The following CIMAP2 variants were observed in gnomAD, a reference collection of about 807,000 sequenced individuals.
The protein encoded by CIMAP2 is ciliary microtubule associated protein 2.
the CIMAP2 span, chr1:54,811,765 G>GCGGGGGGGGGGGGGGGCC: frequency 7.7e-7 from 1 of 1,301,326 alleles, no homozygotes; most frequent in Non-Finnish European, 1.1e-6. Context: ...GGTTCTGACA[G>GCGGGGGGGGGGGGGGGCC]CCTCCATGCC....
At chr1:54,814,613 G>A in the CIMAP2 span, among the ~76,000 whole-genome samples, 1 of 152,262 alleles carries the variant, frequency 6.6e-6, no homozygotes, top group South Asian at 2.1e-4. Flanking sequence ...CTGGCTCCAA[G>A]TCTGGTGTGG....
chr1:54,807,882 G>T, the CIMAP2 span: 1 of 1,568,378 alleles, frequency 6.4e-7, no homozygotes, highest in South Asian at 1.2e-5. Flanking sequence ...CTCTTCTCTT[G>T]GCACAGGAGC....
chr1:54,806,135 G>C, the CIMAP2 span: 1 of 1,543,806 alleles, frequency 6.5e-7, no homozygotes, highest in Non-Finnish European at 8.7e-7. Flanking sequence ...AAGCCAGGAT[G>C]CCGCCGGAGC....
At chr1:54,835,610 T>C in the CIMAP2 span, among the ~76,000 whole-genome samples, 2 of 152,148 alleles carry the variant, frequency 1.3e-5, no homozygotes, top group African/African-American at 4.8e-5. Flanking sequence ...TCCAAAGTCA[T>C]TGTTAGTAAA....
the CIMAP2 span, among the ~76,000 whole-genome samples, chr1:54,818,197 A>C: frequency 6.6e-6 from 1 of 151,970 alleles, no homozygotes. Context: ...GGTCTGTTTC[A>C]TCCTTTGTGC....
the CIMAP2 span, chr1:54,811,759 C>A: frequency 7.7e-7 from 1 of 1,301,202 alleles, no homozygotes; most frequent in South Asian, 1.2e-5. Flanking sequence ...AGGAGTGGTT[C>A]TGACAGCCTC....
At chr1:54,817,389 A>C in the CIMAP2 span, among the ~76,000 whole-genome samples, 5 of 152,214 alleles carry the variant, frequency 3.3e-5, no homozygotes, top group Non-Finnish European at 5.9e-5. Flanking sequence ...AGGAGACCCA[A>C]ATGAAATGAT....
At chr1:54,832,963 G>A in the CIMAP2 span, among the ~76,000 whole-genome samples, 1 of 152,010 alleles carries the variant, frequency 6.6e-6, no homozygotes, top group South Asian at 2.1e-4. Context: ...GGAGGTTGAG[G>A]CTGCGGTGAG....
the CIMAP2 span, among the ~76,000 whole-genome samples, chr1:54,817,307 G>A: frequency 6.6e-6 from 1 of 152,224 alleles, no homozygotes; most frequent in African/African-American, 2.4e-5. Flanking sequence ...CTTACTGTAA[G>A]TGTGAGGTGG....
chr1:54,826,608 G>A, the CIMAP2 span, among the ~76,000 whole-genome samples: 5 of 152,220 alleles, frequency 3.3e-5, no homozygotes, highest in Admixed American at 3.3e-4. Context: ...GCTGTCACAT[G>A]TACCCCCAGA....
the CIMAP2 span, chr1:54,841,625 G>C: frequency 6.2e-7 from 1 of 1,614,204 alleles, no homozygotes; most frequent in East Asian, 2.2e-5. Context: ...GAATCAGGCT[G>C]TTTTGTTGGA....
At chr1:54,822,167 G>A in the CIMAP2 span, among the ~76,000 whole-genome samples, 1 of 98,204 alleles carries the variant, frequency 1.0e-5, no homozygotes, top group African/African-American at 3.5e-5. Context: ...CAAAGTGCTG[G>A]GATTACAGGC....
the CIMAP2 span, chr1:54,811,767 C>CGGGGGGGGGGCGGG: frequency 2.8e-6 from 3 of 1,088,166 alleles, no homozygotes; most frequent in Non-Finnish European, 4.1e-6. Context: ...TTCTGACAGC[C>CGGGGGGGGGGCGGG]TCCATGCCCC....
the CIMAP2 span, chr1:54,842,190 G>A: frequency 2.3e-6 from 1 of 435,150 alleles, no homozygotes; most frequent in Non-Finnish European, 4.1e-6. Flanking sequence ...TGACACTTGT[G>A]GGACCCTTTC....
chr1:54,811,765 G>GCGGGGGGGGGGGGCCCCCCCCCCCC, the CIMAP2 span: 1 of 1,301,328 alleles, frequency 7.7e-7, no homozygotes, highest in Non-Finnish European at 1.1e-6. Flanking sequence ...GGTTCTGACA[G>GCGGGGGGGGGGGGCCCCCCCCCCCC]CCTCCATGCC....
chr1:54,812,198 C>T, the CIMAP2 span: 2 of 1,614,154 alleles, frequency 1.2e-6, no homozygotes, highest in East Asian at 4.5e-5. Context: ...AGGTGTGTAC[C>T]CAGGGGTTGA....
the CIMAP2 span, among the ~76,000 whole-genome samples, chr1:54,816,135 G>T: frequency 6.6e-6 from 1 of 152,232 alleles, no homozygotes. Flanking sequence ...AAGTGGGAAG[G>T]GCTGATGTGA....
chr1:54,839,209 A>C, the CIMAP2 span, among the ~76,000 whole-genome samples: 1 of 151,966 alleles, frequency 6.6e-6, no homozygotes, highest in African/African-American at 2.4e-5. Context: ...GGCAATACTA[A>C]ATGGCCCATT....
chr1:54,829,605 G>A, the CIMAP2 span, among the ~76,000 whole-genome samples: 1 of 152,174 alleles, frequency 6.6e-6, no homozygotes, highest in African/African-American at 2.4e-5. Context: ...GAGTGCCTCT[G>A]AGCTGCTGAT....
Sources: gnomAD v4.1 joint callset for allele counts (sites outside exome capture counted in the v4.1 genomes callset) on GRCh38, gnomAD v4.1.1 for gene constraint, MANE v1.5 for transcripts, NCBI Gene and HGNC (gene_info 2026-07-23, HGNC 2026-07-21) for gene names.